Variants in WDR3 observed in about 807,000 individuals in gnomAD.
WDR3 encodes the protein WD repeat domain 3, also known as WD repeat-containing protein 3.
In WDR3, 81 loss-of-function variants were observed where a neutral mutation model predicts 123.7. The ratio of observed to expected loss-of-function variants is 0.65; its 90% CI spans 0.55 to 0.79. The LOEUF (loss-of-function observed/expected upper bound fraction) is 0.79. Among genes scored for constraint, WDR3 ranks in the 30% least tolerant of loss-of-function variants. The pLI, the probability that WDR3 is intolerant of heterozygous loss-of-function variation, is 0.00. For missense variants in WDR3, 1,027 were observed against 1,123.2 expected, an observed-to-expected ratio of 0.91 and a Z score of 1.22; for synonymous variants, 390 against 388.8, an observed-to-expected ratio of 1.00 and a Z score of -0.04.
In WDR3 at chr1:117,965,832, C is replaced by T. The variant is rs1218051196; in HGVS notation, c.*6385C>T. 6.6e-6 allele frequency: 1 copy of T among 152,212 alleles called. No homozygotes were observed. The highest frequency in any genetic ancestry group is 6.5e-5 in the Admixed American group (1 of 15,280). 9.4% of individuals were successfully genotyped at this position (152,212 alleles called of 1,614,324 possible). A position where few individuals can be genotyped will look rare whatever the true frequency, so the allele number is the denominator to read the frequency against. ...ATTTAAGATCTTTCATAACTTGACT[C>T]CAACCTACTTTCCCACTATATTCCT... is the stretch of plus-strand genomic sequence containing the variant. On this transcript the variant is annotated 3_prime_UTR_variant, in exon 27 of 27. Coordinates refer to ENST00000349139, the MANE Select transcript of WDR3 (RefSeq NM_006784.3).
At chr1:117,957,959 G>A (rs536374448) in intron 25 of WDR3, among the ~76,000 whole-genome samples, 2 of 152,288 alleles carry the variant, frequency 1.3e-5, no homozygotes, top group East Asian at 3.9e-4. Flanking sequence ...TGTTCATTAG[G>A]CTATATTCTT....
intron 24 of WDR3, 85 bp from the exon 25 acceptor site, chr1:117,956,983 A>T: frequency 8.1e-7 from 1 of 1,239,112 alleles, no homozygotes; most frequent in Non-Finnish European, 1.1e-6. Flanking sequence ...CAGTAGAAAA[A>T]ATAATAAAGG....
At chr1:117,940,101 A>G (rs1018604599) in intron 6 of WDR3, among the ~76,000 whole-genome samples, 1 of 152,142 alleles carries the variant, frequency 6.6e-6, no homozygotes, top group African/African-American at 2.4e-5. Context: ...AAATGTATCT[A>G]CCTGTCTTGC....
chr1:117,933,675 A>G (rs1650816411), intron 2 of WDR3, 185 bp downstream of exon 2: 1 of 716,788 alleles, frequency 1.4e-6, no homozygotes, highest in Admixed American at 2.2e-5. Flanking sequence ...TTCGCCACTG[A>G]ATTCTGAAAA....
Position 117,939,393 on chromosome 1 carries a change from G to T in WDR3, c.580-84G>T. 3 of 1,385,456 alleles carry T rather than the reference G, an allele frequency of 2.2e-6. No individual in the cohort carries two copies. The South Asian group carries it at 3.5e-5, about 16-fold the overall frequency. The allele number at this position is 1,385,456 out of a possible 1,614,324, so 85.8% of individuals were successfully genotyped here. ...TTAAATTGCTAGACATTTTACTACG[G>T]TGTAACAGACTTTTGGAATGTCATA... On this transcript the variant is annotated intron_variant, in intron 5 of 26. Transcript: ENST00000349139.
chr1:117,951,839 T>G, intron 16 of WDR3, 137 bp from the exon 17 acceptor site: 1 of 767,356 alleles, frequency 1.3e-6, no homozygotes, highest in Non-Finnish European at 2.1e-6. Flanking sequence ...AATTCAGTGT[T>G]TTTAGTAGAG....
chr1:117,938,226 C>A (rs1358857977), intron 4 of WDR3, among the ~76,000 whole-genome samples: 1 of 152,164 alleles, frequency 6.6e-6, no homozygotes, highest in Non-Finnish European at 1.5e-5. Flanking sequence ...GGATCAAATT[C>A]TGTATTCTTT....
Position 117,963,736 on chromosome 1 carries a change from T to A in WDR3, c.*4289T>A. ...GACTATAAGAAGAGGGGAAGAAACC[T>A]GGGGTCTAATACCTCAAATTTGAAT... On this transcript the variant is annotated 3_prime_UTR_variant, in exon 27 of 27. Coordinates refer to ENST00000349139, the MANE Select transcript of WDR3 (RefSeq NM_006784.3). The A allele has an allele frequency of 6.8e-7, 1 of 1,463,716 alleles. No individual in the cohort carries two copies. The highest frequency in any genetic ancestry group is 9.3e-7 in the Non-Finnish European group (1 of 1,074,142). The allele number at this position is 1,463,716 out of a possible 1,614,324, so 90.7% of individuals were successfully genotyped here.
intron 25 of WDR3, among the ~76,000 whole-genome samples, chr1:117,958,629 A>G (rs1652562804): frequency 1.3e-5 from 2 of 152,180 alleles, no homozygotes; most frequent in Admixed American, 1.3e-4. Context: ...ACCACTGTCA[A>G]AATCTGTAGC....
At chr1:117,947,771 A>G (rs563619026) in intron 12 of WDR3, among the ~76,000 whole-genome samples, 5 of 152,326 alleles carry the variant, frequency 3.3e-5, no homozygotes, top group African/African-American at 1.2e-4. Flanking sequence ...CCTTGTGCAG[A>G]AGCTCATCGT....
rs139199807 is a variant in WDR3, at chr1:117,963,809, G to A, written c.*4362G>A. The A allele has an allele frequency of 5.1e-5, 83 of 1,612,170 alleles. No homozygotes were observed. In the African/African-American group the frequency reaches 8.5e-4, roughly 17 times the overall value. On this transcript the variant is annotated 3_prime_UTR_variant, in exon 27 of 27. Coordinates refer to ENST00000349139, the MANE Select transcript of WDR3 (RefSeq NM_006784.3). ...TATTACTTACTGTACCTAATGTGGA[G>A]AAACTTTACGAGACATGAAGACTCC...
intron 25 of WDR3, among the ~76,000 whole-genome samples, chr1:117,957,409 A>G (rs967483511): frequency 6.6e-6 from 1 of 151,738 alleles, no homozygotes; most frequent in African/African-American, 2.4e-5. Flanking sequence ...TGCCTTTAAA[A>G]CAAGGATCAT....
chr1:117,948,365 G>T, intron 12 of WDR3, 40 bp from the exon 13 acceptor site: 1 of 1,559,578 alleles, frequency 6.4e-7, no homozygotes, highest in Non-Finnish European at 8.8e-7. Flanking sequence ...GAGGTTGTAC[G>T]TATGTTCATT....
chr1:117,948,590 AG>A, intron 13 of WDR3, 84 bp downstream of exon 13: 1 of 669,828 alleles, frequency 1.5e-6, no homozygotes, highest in Non-Finnish European at 2.2e-6. Flanking sequence ...AGAAAGCCTG[AG>A]GTTTTTTTTT....
At position 117,943,507 on chromosome 1, in the gene WDR3, T is replaced by C; in HGVS notation, c.1209T>C (p.Pro403=). 3 of 1,614,118 alleles carry C rather than the reference T, an allele frequency of 1.9e-6. No individual in the cohort carries two copies. Among genetic ancestry groups the C allele is most frequent in the East Asian group, 2.2e-5 (1 of 44,860 alleles). The stretch of plus-strand genomic sequence containing the variant: ...ATCCATCCTTGCCTACTCCTCAGCC[T>C]GTCAGGACAAGCAGAATCACTATTG... ...SLNPSLPTPQ[P]VRTSRITIGG... The change falls in exon 11 of 27, where the codon CCT becomes CCC. Residue 403 remains proline, a synonymous_variant. Coordinates refer to ENST00000349139, the MANE Select transcript of WDR3 (RefSeq NM_006784.3).
chr1:117,933,286 A>G lies in WDR3; in HGVS notation c.-32-2A>G. The G allele has an allele frequency of 3.1e-6, 5 of 1,611,098 alleles. No homozygotes were observed. The highest frequency in any genetic ancestry group is 4.2e-6 in the Non-Finnish European group (5 of 1,177,770). On this transcript the variant is annotated splice_acceptor_variant, in intron 1 of 26. Coordinates refer to ENST00000349139, the MANE Select transcript of WDR3 (RefSeq NM_006784.3). LOFTEE classifies it low-confidence loss of function (5UTR_SPLICE). ...CTGAGTTTTCTTTGTTTATATGCAC[A>G]GATTGCTTCACCTGTGGTATCAGAC...
At chr1:117,953,629 A>AT (rs1053465951) in intron 21 of WDR3, 88 bp downstream of exon 21, 93 of 1,408,038 alleles carry the variant, frequency 6.6e-5, no homozygotes, top group Non-Finnish European at 7.9e-5. Flanking sequence ...CCAGAAAGCC[A>AT]TTTTTTTGGC....
rs1483315882 is a variant in WDR3, at chr1:117,941,790, A to C, written c.932A>C (p.Lys311Thr). The change falls in exon 9 of 27, where the codon AAA (lysine) becomes ACA (threonine). Residue 311 changes from lysine (K) to threonine (T), a missense_variant. Coordinates refer to ENST00000349139, the MANE Select transcript of WDR3 (RefSeq NM_006784.3). ...CTAGAATTGTTTTGTATCCTTTCCA[A>C]AAAGGAAATTCAGAAGAAAATGGAT... ...SVLELFCILS[K>T]KEIQKKMDKK... The C allele has an allele frequency of 1.9e-6, 3 of 1,611,168 alleles. No individual in the cohort carries two copies. The highest frequency in any genetic ancestry group is 2.5e-6 in the Non-Finnish European group (3 of 1,179,396).
chr1:117,932,881 T>C (rs1342447075), intron 1 of WDR3, among the ~76,000 whole-genome samples: 1 of 152,112 alleles, frequency 6.6e-6, no homozygotes, highest in East Asian at 1.9e-4. Flanking sequence ...ACAAGTTACA[T>C]GCTTTTAATG....
Sources: gnomAD v4.1 joint callset for allele counts (sites outside exome capture counted in the v4.1 genomes callset) on GRCh38, gnomAD v4.1.1 for gene constraint, MANE v1.5 for transcripts, NCBI Gene and HGNC (gene_info 2026-07-23, HGNC 2026-07-21) for gene names.